Variants in ZNRF3 observed in about 807,000 individuals in gnomAD.
ZNRF3 encodes the protein zinc and ring finger 3, also known as E3 ubiquitin-protein ligase ZNRF3.
In ZNRF3, 23 loss-of-function variants were observed where a neutral mutation model predicts 72.5. The observed-to-expected ratio is 0.32, with a 90% confidence interval of 0.23 to 0.45. The LOEUF is 0.45. Ranked by LOEUF, ZNRF3 falls within the 20% of genes least tolerant of loss-of-function variation. The pLI is 1.00. For missense variants in ZNRF3, 1,169 were observed against 1,272.1 expected (o/e 0.92, Z 1.23); for synonymous variants, 610 against 545.3 (o/e 1.12, Z -1.65).
intron 3 of ZNRF3, among the ~76,000 whole-genome samples, chr22:29,042,887 G>A (rs2036992913): frequency 1.3e-5 from 2 of 151,968 alleles, no homozygotes. Flanking sequence ...CGATTCTCCT[G>A]CCTCAGCCTC....
intron 1 of ZNRF3, among the ~76,000 whole-genome samples, chr22:28,947,345 G>A (rs1220512246): frequency 6.6e-6 from 1 of 152,158 alleles, no homozygotes; most frequent in African/African-American, 2.4e-5. Context: ...TTATGGACAT[G>A]TTTTCATTTC....
At chr22:28,980,654 A>C (rs2035749024) in intron 1 of ZNRF3, among the ~76,000 whole-genome samples, 2 of 152,244 alleles carry the variant, frequency 1.3e-5, no homozygotes, top group Admixed American at 1.3e-4. Flanking sequence ...GTAAAACAAA[A>C]TCAAAGTTAT....
At position 28,883,847 on chromosome 22, in the gene ZNRF3, G is replaced by T; in HGVS notation, c.81G>T (p.Arg27=). The change falls in exon 1 of 9, where the codon CGG becomes CGT. Residue 27 remains arginine, a synonymous_variant. Coordinates refer to ENST00000544604, the MANE Select transcript of ZNRF3 (RefSeq NM_001206998.2). The surrounding 1 kb of genome is among the most constrained non-coding windows in gnomAD (Gnocchi z 5.5). ...RRLRRRPRGL[R]CSRLPPPPPL... ...TGCGCCGCCGCCCCCGCGGCCTCCG[G>T]TGCAGCCGCCTGCCGCCGCCGCCGC... 1 of 990,850 alleles carries T rather than the reference G, an allele frequency of 1.0e-6. No individual in the cohort carries two copies. Among genetic ancestry groups the T allele is most frequent in the Non-Finnish European group, 1.2e-6 (1 of 837,230 alleles). The allele number at this position is 990,850 out of a possible 1,614,324, so 61.4% of individuals were successfully genotyped here. A position where few individuals can be genotyped will look rare whatever the true frequency, so the allele number is the denominator to read the frequency against.
intron 2 of ZNRF3, among the ~76,000 whole-genome samples, chr22:29,002,873 A>G (rs1350804786): frequency 6.6e-6 from 1 of 152,234 alleles, no homozygotes; most frequent in Non-Finnish European, 1.5e-5. Flanking sequence ...ACAGGCGCAC[A>G]TGGCAGGGGG....
intron 1 of ZNRF3, among the ~76,000 whole-genome samples, chr22:28,891,047 A>G (rs1279517321): frequency 6.6e-6 from 1 of 152,176 alleles, no homozygotes; most frequent in Non-Finnish European, 1.5e-5. Flanking sequence ...GAGAGCCACC[A>G]TATCTGGTCA....
At chr22:29,018,343 G>A (rs1026680121) in intron 2 of ZNRF3, 3 of 201,174 alleles carry the variant, frequency 1.5e-5, no homozygotes, top group Non-Finnish European at 3.1e-5. Context: ...AGAAGAGGAG[G>A]AAGATTTGGG....
In ZNRF3 at chr22:29,053,741, A is replaced by G. The variant is rs2037251966; in HGVS notation, c.*119A>G. 1 of 1,031,746 alleles carries G rather than the reference A, an allele frequency of 9.7e-7. No individual in the cohort carries two copies. Among genetic ancestry groups the G allele is most frequent in the Non-Finnish European group, 1.4e-6 (1 of 709,908 alleles). The allele number at this position is 1,031,746 out of a possible 1,614,324, so 63.9% of individuals were successfully genotyped here. A position where few individuals can be genotyped will look rare whatever the true frequency, so the allele number is the denominator to read the frequency against. On this transcript the variant is annotated 3_prime_UTR_variant, in exon 9 of 9. Coordinates refer to ENST00000544604, the MANE Select transcript of ZNRF3 (RefSeq NM_001206998.2). ...TTGACAAACACACAAAAGTGGTAAT[A>G]AAGAGAGCCCTCCTTGTCAACCCAA...
intron 2 of ZNRF3, among the ~76,000 whole-genome samples, chr22:29,038,351 T>A (rs2036900796): frequency 6.6e-6 from 1 of 151,950 alleles, no homozygotes; most frequent in Non-Finnish European, 1.5e-5. Context: ...TTTTTTTTTT[T>A]TTTAAGACAG....
At chr22:28,891,015 C>G (rs771514548) in intron 1 of ZNRF3, among the ~76,000 whole-genome samples, 1 of 152,150 alleles carries the variant, frequency 6.6e-6, no homozygotes, top group Non-Finnish European at 1.5e-5. Flanking sequence ...CCTTGGCCTC[C>G]CAGTGCTCTG....
intron 1 of ZNRF3, chr22:28,917,322 C>A: frequency 1.9e-6 from 1 of 538,222 alleles, no homozygotes; most frequent in Non-Finnish European, 2.4e-6. Flanking sequence ...GGTATGTGTG[C>A]TCTTGAGAGA....
At chr22:28,953,866 C>G (rs1318352664) in intron 1 of ZNRF3, among the ~76,000 whole-genome samples, 4 of 152,290 alleles carry the variant, frequency 2.6e-5, no homozygotes, top group African/African-American at 7.2e-5. Context: ...GACCTGGGAC[C>G]TGTGGGCCTT....
chr22:28,885,304 G>A (rs1270574463), intron 1 of ZNRF3, among the ~76,000 whole-genome samples: 1 of 152,086 alleles, frequency 6.6e-6, no homozygotes, highest in Admixed American at 6.6e-5. Context: ...AGGTACCCAG[G>A]CCCATGCGAT....
chr22:28,900,736 A>G (rs904837153), intron 1 of ZNRF3, among the ~76,000 whole-genome samples: 25 of 152,284 alleles, frequency 1.6e-4, no homozygotes, highest in Admixed American at 1.4e-3. Flanking sequence ...CAATGATTTA[A>G]TCTTTGCTTG....
chr22:28,917,602 T>A, intron 1 of ZNRF3: 1 of 222,256 alleles, frequency 4.5e-6, no homozygotes, highest in Non-Finnish European at 7.6e-6. Context: ...CTTGTAAGGC[T>A]GATGCGGGAG....
chr22:29,034,230 T>TG (rs1334674268), intron 2 of ZNRF3, among the ~76,000 whole-genome samples: 1 of 152,228 alleles, frequency 6.6e-6, no homozygotes, highest in Admixed American at 6.5e-5. Context: ...TTCCTTGGGA[T>TG]GCCTGGCACC....
chr22:28,897,139 G>A (rs2034012401), intron 1 of ZNRF3, among the ~76,000 whole-genome samples: 1 of 152,006 alleles, frequency 6.6e-6, no homozygotes, highest in Non-Finnish European at 1.5e-5. Context: ...GTAGTGTTTG[G>A]TCACATCAGT....
chr22:28,963,381 G>A (rs1330244361), intron 1 of ZNRF3, among the ~76,000 whole-genome samples: 1 of 152,120 alleles, frequency 6.6e-6, no homozygotes, highest in Non-Finnish European at 1.5e-5. Context: ...TCCAAATGAA[G>A]GGAAAGAGCC....
chr22:29,007,930 A>G (rs1459591201), intron 2 of ZNRF3, among the ~76,000 whole-genome samples: 1 of 151,254 alleles, frequency 6.6e-6, no homozygotes, highest in Non-Finnish European at 1.5e-5. Flanking sequence ...CTAATTTTGT[A>G]TTTTTAGTAG....
intron 1 of ZNRF3, among the ~76,000 whole-genome samples, chr22:28,943,245 C>T (rs1431898629): frequency 6.6e-6 from 1 of 151,952 alleles, no homozygotes; most frequent in Non-Finnish European, 1.5e-5. Context: ...CATTCTTGCT[C>T]CGGTCTGAAG....
Sources: gnomAD v4.1 joint callset for allele counts (sites outside exome capture counted in the v4.1 genomes callset) on GRCh38, gnomAD v4.1.1 for gene constraint, Gnocchi (gnomAD v3.1) non-coding constraint, MANE v1.5 for transcripts, NCBI Gene and HGNC (gene_info 2026-07-23, HGNC 2026-07-21) for gene names.